The following MGAT4C variants were observed in gnomAD, a reference collection of about 807,000 sequenced individuals.
MGAT4C encodes alpha-1,3-mannosyl-glycoprotein 4-beta-N-acetylglucosaminyltransferase C.
Under a neutral mutation model 40.1 loss-of-function variants are expected in MGAT4C, and 19 were observed. The ratio of observed to expected loss-of-function variants is 0.47; its 90% CI spans 0.33 to 0.70. The LOEUF (loss-of-function observed/expected upper bound fraction) is 0.70, where lower values mean the gene tolerates loss of function less well. MGAT4C is among the 30% of genes least tolerant of loss of function. The probability of loss-of-function intolerance (pLI) is 0.02; values close to 1 mark genes in which losing one functional copy is unlikely to be tolerated. For synonymous variants in MGAT4C, 181 were observed against 187.1 expected (o/e 0.97, Z 0.27); for missense variants, 491 against 563.2 (o/e 0.87, Z 1.30).
At chr12:86,773,611 G>T (rs1951676907) in intron 1 of MGAT4C, among the ~76,000 whole-genome samples, 1 of 151,952 alleles carries the variant, frequency 6.6e-6, no homozygotes, top group Non-Finnish European at 1.5e-5. Context: ...GAAGGAAATA[G>T]AAAATTTGAT....
intron 1 of MGAT4C, among the ~76,000 whole-genome samples, chr12:86,827,365 A>G (rs1952828197): frequency 2.0e-5 from 3 of 151,472 alleles, no homozygotes; most frequent in Admixed American, 1.3e-4. Flanking sequence ...CAAAGTAGAC[A>G]CTATTTTTTC....
intron 2 of MGAT4C, among the ~76,000 whole-genome samples, chr12:86,643,532 C>T (rs987496898): frequency 6.6e-6 from 1 of 151,772 alleles, no homozygotes; most frequent in African/African-American, 2.4e-5. Context: ...AATACTGACT[C>T]ATGCTACAAC....
chr12:86,367,282 CAT>C lies in MGAT4C; in HGVS notation c.-119-33157_-119-33156del, dbSNP rs570285955. 1.2e-3 allele frequency among the ~76,000 whole-genome samples: 187 copies of C among 152,152 alleles called. 1 individual carries two copies. Among genetic ancestry groups the C allele is most frequent in the South Asian group, 4.1e-4 (2 of 4,826 alleles). On this transcript the variant is annotated intron_variant, in intron 3 of 7. Coordinates refer to the MGAT4C transcript ENST00000548651. ...TTGGGTAACTGCCAAACTTCACCCT[CAT>C]AAAATGGGCCCCAGAAAACAGTGGG...
At chr12:86,509,575 T>A (rs1053863761) in intron 2 of MGAT4C, among the ~76,000 whole-genome samples, 3 of 152,102 alleles carry the variant, frequency 2.0e-5, no homozygotes, top group African/African-American at 7.2e-5. Flanking sequence ...AACTTTAAAG[T>A]AGTTTTTTCC....
chr12:86,511,607 A>C (rs1330556730), intron 2 of MGAT4C, among the ~76,000 whole-genome samples: 1 of 152,178 alleles, frequency 6.6e-6, no homozygotes, highest in Non-Finnish European at 1.5e-5. Flanking sequence ...ACAAATATAC[A>C]GTCAACTGAT....
At chr12:86,070,263 TTTC>T (rs1352746586) in intron 1 of MGAT4C, among the ~76,000 whole-genome samples, 1 of 152,108 alleles carries the variant, frequency 6.6e-6, no homozygotes, top group African/African-American at 2.4e-5. Flanking sequence ...GATCAATATT[TTTC>T]TTCTCTATAG....
At chr12:86,080,125 C>T (rs1427796957) in intron 1 of MGAT4C, among the ~76,000 whole-genome samples, 1 of 152,108 alleles carries the variant, frequency 6.6e-6, no homozygotes, top group East Asian at 1.9e-4. Context: ...GCTGCCATGC[C>T]ATCTGTTTAT....
intron 2 of MGAT4C, among the ~76,000 whole-genome samples, chr12:86,023,341 C>T (rs1052678793): frequency 4.6e-5 from 7 of 151,598 alleles, no homozygotes; most frequent in South Asian, 2.1e-4. Context: ...AAAATTTCCA[C>T]CAAGTCGTTT....
chr12:86,106,883 C>T (rs1592954872), intron 1 of MGAT4C, among the ~76,000 whole-genome samples: 1 of 152,202 alleles, frequency 6.6e-6, no homozygotes, highest in South Asian at 2.1e-4. Context: ...TTCATATTTT[C>T]CAAATCCACA....
At chr12:86,732,464 C>CT (rs1162349923) in intron 1 of MGAT4C, among the ~76,000 whole-genome samples, 2 of 152,092 alleles carry the variant, frequency 1.3e-5, no homozygotes, top group African/African-American at 2.4e-5. Flanking sequence ...GAGCCCTGAG[C>CT]TTTTTTTCCT....
At chr12:86,502,718 TATACACGAGTTCTGCTCATATATAA>T (rs1958374906) in intron 2 of MGAT4C, among the ~76,000 whole-genome samples, 2 of 144,798 alleles carry the variant, frequency 1.4e-5, no homozygotes, top group East Asian at 2.1e-4. Context: ...CTCATATATA[TATACACGAGTTCTGCTCATATATAA>T]ATACACGAGT....
At chr12:86,833,969 C>T (rs2136238881) in intron 1 of MGAT4C, among the ~76,000 whole-genome samples, 1 of 151,786 alleles carries the variant, frequency 6.6e-6, no homozygotes. Flanking sequence ...GCATAATGTC[C>T]TCCAGGTTCA....
chr12:86,546,013 T>C (rs941469286), intron 2 of MGAT4C, among the ~76,000 whole-genome samples: 1 of 151,986 alleles, frequency 6.6e-6, no homozygotes, highest in Non-Finnish European at 1.5e-5. Flanking sequence ...TTATTTGCTA[T>C]GTTTCCTACA....
intron 4 of MGAT4C, among the ~76,000 whole-genome samples, chr12:86,318,201 A>G (rs1301320243): frequency 6.6e-6 from 1 of 150,414 alleles, no homozygotes; most frequent in Non-Finnish European, 1.5e-5. Context: ...TATATAATCT[A>G]TTTTATGAAT....
intron 1 of MGAT4C, among the ~76,000 whole-genome samples, chr12:86,088,095 T>C (rs1489934914): frequency 6.6e-6 from 1 of 152,002 alleles, no homozygotes; most frequent in Admixed American, 6.6e-5. Flanking sequence ...ACATCTGTAC[T>C]TCAACAAAGT....
chr12:86,191,955 G>A (rs1157163318), intron 1 of MGAT4C, among the ~76,000 whole-genome samples: 1 of 150,654 alleles, frequency 6.6e-6, no homozygotes, highest in Admixed American at 6.6e-5. Context: ...GGACATGGAT[G>A]AAGCTGGAAA....
At chr12:86,127,941 T>C (rs1468081022) in intron 1 of MGAT4C, among the ~76,000 whole-genome samples, 1 of 152,182 alleles carries the variant, frequency 6.6e-6, no homozygotes, top group Non-Finnish European at 1.5e-5. Context: ...TTTAAAAAAA[T>C]AAGTAGTACA....
At position 85,979,668 on chromosome 12, in the gene MGAT4C, T is replaced by C; in HGVS notation, c.1058A>G (p.Glu353Gly). The change falls in exon 5 of 5, where the codon GAA (glutamate) becomes GGA (glycine). Residue 353 changes from glutamate (E) to glycine (G), a missense_variant. Transcript: ENST00000611864. Reference protein sequence around the residue: ...ASLYTNMNVFENYEASKAYSS... With the variant: ...ASLYTNMNVFGNYEASKAYSS... ...GTAAGCCTTGCTTGCTTCATAATTTTCAAACACATTCATGTTGGTGTACAG... is the reference window on the plus strand; with the variant it reads ...GTAAGCCTTGCTTGCTTCATAATTTCCAAACACATTCATGTTGGTGTACAG... 1.2e-6 allele frequency: 2 copies of C among 1,613,214 alleles called. No homozygotes were observed. Among genetic ancestry groups the C allele is most frequent in the Non-Finnish European group, 1.7e-6 (2 of 1,179,764 alleles).
chr12:86,069,295 C>T (rs1894854173), intron 1 of MGAT4C, among the ~76,000 whole-genome samples: 1 of 152,104 alleles, frequency 6.6e-6, no homozygotes, highest in Non-Finnish European at 1.5e-5. Context: ...CCAACAAATA[C>T]AGTAATTCAA....
Sources: gnomAD v4.1 joint callset for allele counts (sites outside exome capture counted in the v4.1 genomes callset) on GRCh38, gnomAD v4.1.1 for gene constraint, MANE v1.5 for transcripts, NCBI Gene and HGNC (gene_info 2026-07-23, HGNC 2026-07-21) for gene names.